KIF6: variants seen among roughly 807,000 people sequenced by gnomAD.
KIF6 encodes kinesin-like protein KIF6.
In KIF6, 106 loss-of-function variants were observed where a neutral mutation model predicts 112.7. That is an observed-to-expected ratio of 0.94 (90% CI 0.80 to 1.11). The LOEUF (loss-of-function observed/expected upper bound fraction) is 1.11, where lower values mean the gene tolerates loss of function less well. KIF6 is among the 50% of genes least tolerant of loss of function. KIF6 has a pLI of 0.00. For synonymous variants in KIF6, 339 were observed against 339.9 expected, an observed-to-expected ratio of 1.00 and a Z score of 0.03; for missense variants, 929 against 964.0, an observed-to-expected ratio of 0.96 and a Z score of 0.48.
In KIF6 at chr6:39,465,234, C is replaced by A. The variant is rs563494458; in HGVS notation, c.1646-34073G>T. On this transcript the variant is annotated intron_variant, in intron 13 of 22. Transcript: ENST00000287152. ...TGGCCATAAGGTTATCAAAGGAGGG[C>A]AAGAAGCATGGGCAGATGTCTTCAT... Among the ~76,000 whole-genome samples, 4 of 152,278 alleles carry A rather than the reference C, an allele frequency of 2.6e-5. No individual in the cohort carries two copies. In the South Asian group the frequency reaches 8.3e-4, roughly 32 times the overall value.
At chr6:39,583,132 C>T (rs1252383367) in intron 9 of KIF6, 2 of 258,400 alleles carry the variant, frequency 7.7e-6, no homozygotes, top group Admixed American at 4.1e-5. Context: ...TAGCCAAATG[C>T]AAAAAACAAA....
chr6:39,612,042 T>C (rs948100607), intron 6 of KIF6, among the ~76,000 whole-genome samples: 1 of 152,176 alleles, frequency 6.6e-6, no homozygotes, highest in African/African-American at 2.4e-5. Flanking sequence ...GCTAGTCTAT[T>C]GAAAAGTATT....
intron 5 of KIF6, among the ~76,000 whole-genome samples, chr6:39,624,435 A>G (rs1342898280): frequency 6.6e-6 from 1 of 152,230 alleles, no homozygotes; most frequent in Non-Finnish European, 1.5e-5. Context: ...GAATAAAGTG[A>G]TCAAGCAAGC....
intron 19 of KIF6, chr6:39,354,081 T>C (rs1164013614): frequency 1.8e-5 from 6 of 331,692 alleles, no homozygotes; most frequent in African/African-American, 1.3e-4. Context: ...GGACATTTGC[T>C]CCCTCCTGTT....
chr6:39,464,944 T>A (rs1773702541), intron 13 of KIF6, among the ~76,000 whole-genome samples: 1 of 152,192 alleles, frequency 6.6e-6, no homozygotes, highest in African/African-American at 2.4e-5. Flanking sequence ...ACAAAAGAAA[T>A]CTGGTTTTGT....
intron 3 of KIF6, among the ~76,000 whole-genome samples, chr6:39,704,947 A>G (rs1462222472): frequency 6.6e-6 from 1 of 152,224 alleles, no homozygotes. Context: ...CATAGGTCTC[A>G]TGTATATGAA....
In KIF6 at chr6:39,381,171, T is replaced by C. The variant is rs549114469; in HGVS notation, c.1861+4451A>G. ...ACATCTACTTACACATCCAGAGACA[T>C]ATTCTTATGCAAAACATATAAGAAA... On this transcript the variant is annotated intron_variant, in intron 16 of 22. Transcript: ENST00000287152. Among the ~76,000 whole-genome samples, 10 of 152,318 alleles carry C rather than the reference T, an allele frequency of 6.6e-5. No individual in the cohort carries two copies. The South Asian group carries it at 1.9e-3, about 28-fold the overall frequency.
chr6:39,504,903 T>G (rs765009866), intron 13 of KIF6, among the ~76,000 whole-genome samples: 1 of 152,200 alleles, frequency 6.6e-6, no homozygotes, highest in Non-Finnish European at 1.5e-5. Context: ...AGAATCAATA[T>G]TGTGAAAATG....
At chr6:39,468,377 A>C (rs1773921939) in intron 13 of KIF6, among the ~76,000 whole-genome samples, 1 of 152,200 alleles carries the variant, frequency 6.6e-6, no homozygotes, top group South Asian at 2.1e-4. Context: ...CAAGAGTCTT[A>C]ATAAATTCTA....
chr6:39,380,571 A>G (rs1766848492), intron 16 of KIF6, among the ~76,000 whole-genome samples: 1 of 152,170 alleles, frequency 6.6e-6, no homozygotes, highest in African/African-American at 2.4e-5. Context: ...ACACACACGC[A>G]CACACCCGGC....
At chr6:39,715,056 A>T (rs748747734) in intron 2 of KIF6, 5 of 258,938 alleles carry the variant, frequency 1.9e-5, no homozygotes, top group Non-Finnish European at 3.7e-5. Flanking sequence ...TTAGCTCTCA[A>T]GAGGGACAGT....
chr6:39,443,159 T>TAAA (rs1257047456), intron 13 of KIF6, among the ~76,000 whole-genome samples: 19 of 130,108 alleles, frequency 1.5e-4, no homozygotes, highest in South Asian at 1.5e-3. Context: ...ATAATAATAA[T>TAAA]AAATAAAAAT....
At chr6:39,346,143 CTCTCTCTCTCTCT>C (rs1763783554) in intron 20 of KIF6, among the ~76,000 whole-genome samples, 2 of 132,720 alleles carry the variant, frequency 1.5e-5, no homozygotes, top group Non-Finnish European at 3.2e-5. Context: ...CTCTCTCTCT[CTCTCTCTCTCTCT>C]CTCTCTTTCT....
chr6:39,469,966 T>G (rs1277769245), intron 13 of KIF6, among the ~76,000 whole-genome samples: 1 of 152,122 alleles, frequency 6.6e-6, no homozygotes, highest in Non-Finnish European at 1.5e-5. Flanking sequence ...TAACAGACAG[T>G]GTAGAACACT....
At chr6:39,665,787 C>G (rs993478489) in intron 3 of KIF6, among the ~76,000 whole-genome samples, 1 of 151,980 alleles carries the variant, frequency 6.6e-6, no homozygotes, top group Non-Finnish European at 1.5e-5. Context: ...TGACGCTGAT[C>G]TTCCTGAAAT....
chr6:39,642,261 A>G (rs983989435), intron 3 of KIF6, among the ~76,000 whole-genome samples: 1 of 152,212 alleles, frequency 6.6e-6, no homozygotes, highest in African/African-American at 2.4e-5. Flanking sequence ...TCTGGAAATT[A>G]TCCAAAGGCT....
intron 1 of KIF6, among the ~76,000 whole-genome samples, chr6:39,721,667 T>A (rs1456015951): frequency 1.3e-5 from 2 of 152,126 alleles, no homozygotes; most frequent in Non-Finnish European, 2.9e-5. Flanking sequence ...GCCACCACTT[T>A]CAGAATTGAG....
intron 15 of KIF6, among the ~76,000 whole-genome samples, chr6:39,415,317 A>AAAAAAAAAAAC: frequency 6.6e-6 from 1 of 151,076 alleles, no homozygotes. Flanking sequence ...AAAAAAAAAA[A>AAAAAAAAAAAC]AAAAAAAAGG....
intron 3 of KIF6, among the ~76,000 whole-genome samples, chr6:39,677,093 C>A (rs1307935615): frequency 6.6e-6 from 1 of 152,074 alleles, no homozygotes; most frequent in Non-Finnish European, 1.5e-5. Flanking sequence ...TGCTTGATTA[C>A]TGAATGCTGG....
Sources: allele counts gnomAD v4.1 joint callset (sites outside exome capture counted in the v4.1 genomes callset), GRCh38; gene constraint gnomAD v4.1.1; transcripts MANE v1.5; gene names NCBI Gene and HGNC (gene_info 2026-07-23, HGNC 2026-07-21).